The following EFCAB6 variants were observed in gnomAD, a reference collection of about 807,000 sequenced individuals.
The protein encoded by EFCAB6 is EF-hand calcium binding domain 6, also known as EF-hand calcium-binding domain-containing protein 6.
Under a neutral mutation model 169.8 loss-of-function variants are expected in EFCAB6, and 156 were observed. The observed-to-expected ratio is 0.92, with a 90% CI of 0.81 to 1.05. The LOEUF (loss-of-function observed/expected upper bound fraction) is 1.05, where lower values mean the gene tolerates loss of function less well. EFCAB6 is among the 50% of genes least tolerant of loss of function. EFCAB6 has a pLI of 0.00. For missense variants in EFCAB6, 1,800 were observed against 1,829.1 expected (o/e 0.98, Z 0.29); for synonymous variants, 698 against 676.4 (o/e 1.03, Z -0.50).
rs1175427195 is a variant in EFCAB6 at position 43,528,883 on chromosome 22, G to T, written c.4476C>A (p.Tyr1492Ter). 1 of 1,611,676 alleles carries T rather than the reference G, an allele frequency of 6.2e-7. No individual in the cohort carries two copies. Among genetic ancestry groups the T allele is most frequent in the Non-Finnish European group, 8.5e-7 (1 of 1,178,144 alleles). ...YDKTLSSKIS[Y>*]NDFLRAFLQ ...GGAGGAATGCCCGGAGGAAGTCGTT[G>T]TAGGAGATTTTTGAAGACAGCGTCT... The change falls in exon 32 of 32, where the codon TAC (tyrosine) becomes TAA (stop). Residue 1492 changes from tyrosine to a stop codon, truncating the protein, a stop_gained. Transcript: ENST00000262726. LOFTEE classifies it high-confidence loss of function.
At chr22:43,776,497 T>A (rs989808178) in intron 3 of EFCAB6, among the ~76,000 whole-genome samples, 1 of 151,920 alleles carries the variant, frequency 6.6e-6, no homozygotes, top group Non-Finnish European at 1.5e-5. Flanking sequence ...TGAGGCAGAG[T>A]GCAGCTGGGG....
chr22:43,638,715 TA>T (rs1426308720), intron 17 of EFCAB6, among the ~76,000 whole-genome samples: 5 of 152,238 alleles, frequency 3.3e-5, no homozygotes, highest in African/African-American at 1.2e-4. Context: ...ACAGTCTATT[TA>T]GACTTAATAT....
chr22:43,644,791 C>T (rs1273567686), intron 17 of EFCAB6, among the ~76,000 whole-genome samples: 3 of 152,168 alleles, frequency 2.0e-5, no homozygotes, highest in Non-Finnish European at 2.9e-5. Flanking sequence ...TTAGATGGCA[C>T]AGAATGACAA....
intron 7 of EFCAB6, among the ~76,000 whole-genome samples, chr22:43,734,071 G>A (rs900405774): frequency 7.9e-5 from 12 of 152,124 alleles, no homozygotes; most frequent in Non-Finnish European, 1.3e-4. Context: ...TGAGGCCCTA[G>A]AACCAGGGAG....
At chr22:43,784,651 ATG>A (rs546379596) in intron 2 of EFCAB6, among the ~76,000 whole-genome samples, 2 of 75,354 alleles carry the variant, frequency 2.7e-5, no homozygotes, top group African/African-American at 4.0e-5. Flanking sequence ...ACACATATAT[ATG>A]TGTATATATA....
At chr22:43,532,967 C>T (rs571908163) in intron 30 of EFCAB6, among the ~76,000 whole-genome samples, 1 of 152,198 alleles carries the variant, frequency 6.6e-6, no homozygotes, top group African/African-American at 2.4e-5. Context: ...TTTAATTCAG[C>T]GTAACTCAAT....
At chr22:43,636,247 ACAGATGTCAC>A (rs139983369) in intron 17 of EFCAB6, among the ~76,000 whole-genome samples, 3,480 of 152,256 alleles carry the variant, frequency 0.023, 141 homozygotes, top group African/African-American at 0.079. Flanking sequence ...AACAAAGTCA[ACAGATGTCAC>A]CAGAAGCCAG....
At chr22:43,592,390 T>C (rs2051620664) in intron 23 of EFCAB6, among the ~76,000 whole-genome samples, 2 of 152,198 alleles carry the variant, frequency 1.3e-5, no homozygotes, top group African/African-American at 4.8e-5. Flanking sequence ...TTACTCGTCA[T>C]CACAACTATT....
At chr22:43,651,854 G>A (rs955460982) in intron 17 of EFCAB6, among the ~76,000 whole-genome samples, 1 of 152,218 alleles carries the variant, frequency 6.6e-6, no homozygotes. Context: ...CATGGGGCCT[G>A]TAGCCCATTT....
chr22:43,733,820 T>C (rs1314753984), intron 7 of EFCAB6, among the ~76,000 whole-genome samples: 1 of 152,146 alleles, frequency 6.6e-6, no homozygotes, highest in South Asian at 2.1e-4. Flanking sequence ...GCGATTCTCC[T>C]GCCTCAGCCT....
At chr22:43,701,493 T>C (rs137815) in intron 10 of EFCAB6, among the ~76,000 whole-genome samples, 36,140 of 152,044 alleles carry the variant, frequency 0.24, 4,433 homozygotes, top group Middle Eastern at 0.27. Flanking sequence ...GGGCATTGTA[T>C]AGAAATGCCC....
rs535019441 is a variant in EFCAB6, at chr22:43,782,042, G to A, written c.139+138C>T. On this transcript the variant is annotated intron_variant, in intron 3 of 31. Coordinates refer to ENST00000262726, the MANE Select transcript of EFCAB6 (RefSeq NM_022785.4). Reference sequence around the variant, plus strand: ...CCAATTTCCCCATATAGAAAACAGGGATAAAAACAGAGCCTAATTCATAGA... The same window carrying A: ...CCAATTTCCCCATATAGAAAACAGGAATAAAAACAGAGCCTAATTCATAGA... 8.2e-5 allele frequency: 71 copies of A among 867,340 alleles called. No homozygotes were observed. In the African/African-American group the frequency reaches 1.1e-3, roughly 14 times the overall value. The allele number at this position is 867,340 out of a possible 1,614,324, so 53.7% of individuals were successfully genotyped here.
At chr22:43,545,698 C>T (rs2147111274) in intron 27 of EFCAB6, among the ~76,000 whole-genome samples, 1 of 152,268 alleles carries the variant, frequency 6.6e-6, no homozygotes, top group African/African-American at 2.4e-5. Flanking sequence ...CTGCATGGCT[C>T]TGAGCTCCGG....
chr22:43,761,764 T>C (rs189028252), intron 5 of EFCAB6, among the ~76,000 whole-genome samples: 226 of 152,214 alleles, frequency 1.5e-3, no homozygotes, highest in African/African-American at 5.3e-3. Context: ...GGATATGACA[T>C]CTATTGGTTT....
intron 9 of EFCAB6, among the ~76,000 whole-genome samples, chr22:43,715,541 A>AT (rs1231143950): frequency 6.6e-6 from 1 of 152,192 alleles, no homozygotes; most frequent in Non-Finnish European, 1.5e-5. Flanking sequence ...AATACGTTTT[A>AT]TTTTTAAAAA....
intron 17 of EFCAB6, among the ~76,000 whole-genome samples, chr22:43,663,852 T>C (rs1376251788): frequency 6.6e-6 from 1 of 152,218 alleles, no homozygotes; most frequent in African/African-American, 2.4e-5. Context: ...AGCCCCAGCA[T>C]GCTGGCACCT....
intron 26 of EFCAB6, among the ~76,000 whole-genome samples, chr22:43,571,071 C>A (rs963027952): frequency 1.3e-5 from 2 of 152,222 alleles, no homozygotes; most frequent in Non-Finnish European, 2.9e-5. Context: ...AGGAAGCCCG[C>A]GGCCCTTGCT....
chr22:43,775,439 C>T (rs751640756), intron 3 of EFCAB6, among the ~76,000 whole-genome samples: 1 of 152,020 alleles, frequency 6.6e-6, no homozygotes, highest in East Asian at 1.9e-4. Flanking sequence ...ACGGCCTCTG[C>T]CTGGTCCTAT....
At chr22:43,637,557 G>A (rs988694796) in intron 17 of EFCAB6, among the ~76,000 whole-genome samples, 2 of 152,210 alleles carry the variant, frequency 1.3e-5, no homozygotes, top group East Asian at 1.9e-4. Context: ...GGCTAGTGCC[G>A]GGCCAGCAGG....
Sources: allele counts gnomAD v4.1 joint callset (sites outside exome capture counted in the v4.1 genomes callset), GRCh38; gene constraint gnomAD v4.1.1; transcripts MANE v1.5; gene names NCBI Gene and HGNC (gene_info 2026-07-23, HGNC 2026-07-21).